Variants in TNRC6A observed in about 807,000 individuals in gnomAD.
TNRC6A encodes trinucleotide repeat containing adaptor 6A.
TNRC6A carries 44 observed loss-of-function variants against 221.2 expected under a neutral mutation model. The observed-to-expected ratio is 0.20, with a 90% CI of 0.16 to 0.26. The LOEUF is 0.26. Among genes scored for constraint, TNRC6A ranks in the 10% least tolerant of loss-of-function variants. TNRC6A has a pLI of 1.00. For missense variants in TNRC6A, 2,199 were observed against 2,404.4 expected (o/e 0.91, Z 1.79); for synonymous variants, 847 against 838.5 (o/e 1.01, Z -0.18).
chr16:24,626,205 C>A (rs1258065200), intron 1 of TNRC6A, among the ~76,000 whole-genome samples: 1 of 152,012 alleles, frequency 6.6e-6, no homozygotes, highest in Non-Finnish European at 1.5e-5. Flanking sequence ...ATTTTTTAAA[C>A]CCTCTTCAGA....
At chr16:24,706,496 G>A (rs1235707656) in intron 2 of TNRC6A, among the ~76,000 whole-genome samples, 1 of 151,994 alleles carries the variant, frequency 6.6e-6, no homozygotes, top group African/African-American at 2.4e-5. Flanking sequence ...TGGATCACGA[G>A]GTCAGGAGAT....
chr16:24,820,296 G>A lies in TNRC6A; in HGVS notation c.5238G>A (p.Thr1746=), dbSNP rs773251138. The change falls in exon 22 of 25, where the codon ACG becomes ACA. Residue 1746 remains threonine (T), a synonymous_variant. Transcript: ENST00000395799. ...GLTGQKPPLS[T]WDNSPLRIGG... ...CTGGTCAGAAGCCACCCTTGTCTAC[G>A]TGGGATAATTCTCCCCTTCGTATAG... The A allele has an allele frequency of 2.1e-5, 34 of 1,614,046 alleles. No homozygotes were observed. Among genetic ancestry groups the A allele is most frequent in the African/African-American group, 2.7e-5 (2 of 74,906 alleles).
intron 1 of TNRC6A, among the ~76,000 whole-genome samples, chr16:24,627,697 C>CTTTTTTTTT (rs57520356): frequency 2.0e-4 from 20 of 101,770 alleles, no homozygotes; most frequent in Non-Finnish European, 3.2e-4. Flanking sequence ...TCTTTTCTTG[C>CTTTTTTTTT]TTTTTTTTTT....
In TNRC6A at chr16:24,823,801, C is replaced by A; in HGVS notation, c.5883C>A (p.Ser1961=). The A allele has an allele frequency of 6.8e-7, 1 of 1,461,340 alleles. No individual in the cohort carries two copies. The highest frequency in any genetic ancestry group is 9.0e-7 in the Non-Finnish European group (1 of 1,105,484). 90.5% of individuals were successfully genotyped at this position (1,461,340 alleles called of 1,614,324 possible). Residue 1961 remains serine (S), a synonymous_variant, in exon 25 of 25, where the codon TCC becomes TCA. Transcript: ENST00000395799. The surrounding 1 kb of genome is among the most constrained non-coding windows in gnomAD (Gnocchi z 4.3). ...ACCACCTGGGTGGGGGTGGAGAGTC[C>A]ATGTAACAGTGTAGATGCAGACTCA... The part of the protein sequence containing the change: ...SVDHLGGGGE[S]M
At chr16:24,811,686 G>A (rs980586951) in intron 18 of TNRC6A, among the ~76,000 whole-genome samples, 2 of 151,954 alleles carry the variant, frequency 1.3e-5, no homozygotes, top group African/African-American at 4.8e-5. Context: ...GCCTCTGGGT[G>A]CAGTGTGGAG....
At chr16:24,655,471 C>A (rs1254807383) in intron 2 of TNRC6A, among the ~76,000 whole-genome samples, 1 of 151,938 alleles carries the variant, frequency 6.6e-6, no homozygotes, top group African/African-American at 2.4e-5. Context: ...TGTGGATCAC[C>A]TGAGGTCAGG....
At chr16:24,785,561 CTCTAT>C (rs1439968615) in intron 5 of TNRC6A, among the ~76,000 whole-genome samples, 1 of 151,690 alleles carries the variant, frequency 6.6e-6, no homozygotes, top group African/African-American at 2.4e-5. Context: ...TCTTTTTTGC[CTCTAT>C]TCTATTATTT....
intron 14 of TNRC6A, 189 bp downstream of exon 14, chr16:24,805,340 T>C: frequency 9.9e-7 from 1 of 1,015,088 alleles, no homozygotes; most frequent in Non-Finnish European, 1.4e-6. Flanking sequence ...ATCCAAAATT[T>C]ACCATTTTCT....
At position 24,781,043 on chromosome 16, in the gene TNRC6A, CTTTT is replaced by C. The variant is rs35502747; in HGVS notation, c.589+3707_589+3710del. On this transcript the variant is annotated intron_variant, in intron 5 of 24. Coordinates refer to ENST00000395799, the MANE Select transcript of TNRC6A (RefSeq NM_014494.4). ...AAAAATTTTCTTAAGCCTCCATACTCTTTTTTTTTTTTTTTTTTTTTTTTTGGAG... is the reference window on the plus strand; with the variant it reads ...AAAAATTTTCTTAAGCCTCCATACTCTTTTTTTTTTTTTTTTTTTTTGGAG... 1.0e-3 allele frequency among the ~76,000 whole-genome samples: 55 copies of C among 53,420 alleles called. No individual in the cohort carries two copies. The East Asian group carries it at 0.034, about 33-fold the overall frequency. 35.0% of individuals were successfully genotyped at this position (53,420 alleles called of 152,430 possible).
intron 2 of TNRC6A, among the ~76,000 whole-genome samples, chr16:24,731,860 C>T (rs2056651938): frequency 6.6e-6 from 1 of 152,242 alleles, no homozygotes; most frequent in African/African-American, 2.4e-5. Flanking sequence ...AGTCACTTAG[C>T]CTCTCTGTCC....
At chr16:24,792,977 C>A (rs2058141901) in intron 6 of TNRC6A, among the ~76,000 whole-genome samples, 1 of 151,886 alleles carries the variant, frequency 6.6e-6, no homozygotes, top group South Asian at 2.1e-4. Flanking sequence ...TTAGTAGAGA[C>A]CAGGTTTTGC....
intron 2 of TNRC6A, among the ~76,000 whole-genome samples, chr16:24,739,275 T>C (rs1273500161): frequency 6.6e-6 from 1 of 152,194 alleles, no homozygotes; most frequent in Non-Finnish European, 1.5e-5. Context: ...TCCTAATGGC[T>C]AATGATGATT....
chr16:24,785,284 T>C (rs1331827998), intron 5 of TNRC6A, among the ~76,000 whole-genome samples: 1 of 152,246 alleles, frequency 6.6e-6, no homozygotes, highest in Non-Finnish European at 1.5e-5. Context: ...AAATCACTTG[T>C]AATCATTTTG....
chr16:24,619,541 A>G (rs1159486478), intron 1 of TNRC6A, among the ~76,000 whole-genome samples: 1 of 152,218 alleles, frequency 6.6e-6, no homozygotes, highest in Admixed American at 6.5e-5. Flanking sequence ...CACTCTAGAC[A>G]TGTTCACATT....
chr16:24,636,472 G>T (rs1901641217), intron 1 of TNRC6A, among the ~76,000 whole-genome samples: 1 of 151,692 alleles, frequency 6.6e-6, no homozygotes, highest in Non-Finnish European at 1.5e-5. Context: ...CTGGGCTCAA[G>T]AGATCCTCCC....
intron 2 of TNRC6A, among the ~76,000 whole-genome samples, chr16:24,650,932 T>C (rs541652672): frequency 9.8e-5 from 15 of 152,320 alleles, no homozygotes; most frequent in Non-Finnish European, 2.1e-4. Flanking sequence ...GGGCTCCCCA[T>C]TCACATTAGC....
Position 24,793,629 on chromosome 16 carries a change from C to T in TNRC6A, c.3332C>T (p.Pro1111Leu). Residue 1111 changes from proline (P) to leucine (L), a missense_variant, in exon 7 of 25, where the codon CCA (proline) becomes CTA (leucine). Physicochemically the swap from Pro to Leu is moderately conservative, Grantham distance 98 (BLOSUM62 -3). Coordinates refer to ENST00000395799, the MANE Select transcript of TNRC6A (RefSeq NM_014494.4). ...ACGTGGGGCTCCAGCTCTGTTGGTC[C>T]ACAAGCATTAAGCAAATCTGGTAAG... ...TSTWGSSSVGPQALSKSGPKS... is the reference protein window; with the variant it reads ...TSTWGSSSVGLQALSKSGPKS... 2 of 1,517,576 alleles carry T rather than the reference C, an allele frequency of 1.3e-6. No homozygotes were observed. Among genetic ancestry groups the T allele is most frequent in the Admixed American group, 2.0e-5 (1 of 49,732 alleles). 94.0% of individuals were successfully genotyped at this position (1,517,576 alleles called of 1,614,324 possible). A position where few individuals can be genotyped will look rare whatever the true frequency, so the allele number is the denominator to read the frequency against.
intron 23 of TNRC6A, among the ~76,000 whole-genome samples, chr16:24,822,477 T>G (rs778114945): frequency 3.3e-5 from 5 of 152,104 alleles, no homozygotes; most frequent in African/African-American, 4.8e-5. Context: ...CATGGAGAAA[T>G]CCTGGTCTGC....
chr16:24,676,745 C>T (rs1360810719), intron 2 of TNRC6A, among the ~76,000 whole-genome samples: 2 of 152,180 alleles, frequency 1.3e-5, no homozygotes, highest in Admixed American at 1.3e-4. Context: ...TGAGCTACTG[C>T]ACCCGGCCAA....
Sources: allele counts gnomAD v4.1 joint callset (sites outside exome capture counted in the v4.1 genomes callset), GRCh38; gene constraint gnomAD v4.1.1; non-coding constraint Gnocchi (gnomAD v3.1); transcripts MANE v1.5; gene names NCBI Gene and HGNC (gene_info 2026-07-23, HGNC 2026-07-21).